NAALAD2: variants seen among roughly 807,000 people sequenced by gnomAD.
The protein encoded by NAALAD2 is N-acetylated alpha-linked acidic dipeptidase 2.
A neutral mutation model predicts 95.6 loss-of-function variants in NAALAD2; 89 were observed. The observed-to-expected ratio is 0.93, with a 90% CI of 0.78 to 1.11. NAALAD2 has a LOEUF of 1.11. NAALAD2 is among the 50% of genes least tolerant of loss of function. NAALAD2 has a pLI of 0.00. For synonymous variants in NAALAD2, 264 were observed against 294.4 expected, an observed-to-expected ratio of 0.90 and a Z score of 1.06; for missense variants, 894 against 872.4, an observed-to-expected ratio of 1.02 and a Z score of -0.31.
chr11:90,139,938 T>C (rs2134827586), intron 2 of NAALAD2, among the ~76,000 whole-genome samples: 1 of 152,092 alleles, frequency 6.6e-6, no homozygotes, highest in African/African-American at 2.4e-5. Flanking sequence ...TACCTCAGTC[T>C]ACGGTATACC....
intron 18 of NAALAD2, among the ~76,000 whole-genome samples, chr11:90,190,234 C>T (rs1857283336): frequency 6.6e-6 from 1 of 152,164 alleles, no homozygotes; most frequent in East Asian, 1.9e-4. Flanking sequence ...TTATCACCAT[C>T]ATTTTTAAGA....
chr11:90,166,873 G>C (rs1024914756), intron 11 of NAALAD2, among the ~76,000 whole-genome samples: 1 of 151,296 alleles, frequency 6.6e-6, no homozygotes, highest in African/African-American at 2.4e-5. Context: ...ATTTCCACCC[G>C]GCACGGTGGC....
At chr11:90,163,801 T>C (rs183614343) in intron 11 of NAALAD2, 184 bp downstream of exon 11, 1 of 627,144 alleles carries the variant, frequency 1.6e-6, no homozygotes, top group East Asian at 2.8e-5. Context: ...AACCTTTTAG[T>C]ACTAGACTGC....
chr11:90,147,661 G>A, intron 3 of NAALAD2, 145 bp downstream of exon 3: 1 of 741,896 alleles, frequency 1.3e-6, no homozygotes, highest in Non-Finnish European at 2.1e-6. Flanking sequence ...TAAGTCCTGA[G>A]GCCAGAATAA....
At chr11:90,179,445 G>A (rs1952898668) in intron 16 of NAALAD2, among the ~76,000 whole-genome samples, 1 of 151,894 alleles carries the variant, frequency 6.6e-6, no homozygotes, top group Non-Finnish European at 1.5e-5. Context: ...GTATGGAATA[G>A]TAATGACTTC....
intron 14 of NAALAD2, among the ~76,000 whole-genome samples, chr11:90,174,405 C>G (rs1952728210): frequency 6.6e-6 from 1 of 151,654 alleles, no homozygotes. Context: ...GTCTTTCAGT[C>G]TATGTTAGAG....
intron 13 of NAALAD2, among the ~76,000 whole-genome samples, chr11:90,172,839 G>T (rs1290189260): frequency 6.6e-6 from 1 of 152,068 alleles, no homozygotes; most frequent in African/African-American, 2.4e-5. Context: ...AAAGGCCAGA[G>T]AAAATACCAG....
upstream of NAALAD2, among the ~76,000 whole-genome samples, chr11:90,133,510 G>T (rs1431328743): frequency 6.6e-6 from 1 of 151,958 alleles, no homozygotes; most frequent in East Asian, 1.9e-4. Flanking sequence ...AAAAAAAAAG[G>T]CTTACAAATT....
intron 2 of NAALAD2, among the ~76,000 whole-genome samples, chr11:90,139,682 CTT>C (rs1393262861): frequency 1.3e-5 from 2 of 152,216 alleles, no homozygotes; most frequent in African/African-American, 4.8e-5. Flanking sequence ...CATAGAATGA[CTT>C]TGCTTTTTCT....
intron 2 of NAALAD2, among the ~76,000 whole-genome samples, chr11:90,145,795 A>G (rs1228645962): frequency 6.6e-6 from 1 of 152,188 alleles, no homozygotes; most frequent in Non-Finnish European, 1.5e-5. Context: ...AAAAGGTATT[A>G]AAGATCATAA....
At chr11:90,166,836 A>AG (rs1436561363) in intron 11 of NAALAD2, among the ~76,000 whole-genome samples, 1 of 110,746 alleles carries the variant, frequency 9.0e-6, no homozygotes, top group Non-Finnish European at 1.8e-5. Context: ...TTCTGTCTCC[A>AG]AAAAAAAAAA....
chr11:90,179,776 C>T (rs570711233), intron 16 of NAALAD2, among the ~76,000 whole-genome samples: 35 of 122,882 alleles, frequency 2.8e-4, no homozygotes, highest in African/African-American at 1.1e-3. Context: ...AGACAGAAAC[C>T]ACACAGTTAG....
At chr11:90,156,832 T>A (rs1952131329) in intron 6 of NAALAD2, among the ~76,000 whole-genome samples, 1 of 152,214 alleles carries the variant, frequency 6.6e-6, no homozygotes, top group Non-Finnish European at 1.5e-5. Context: ...TGGTTCCAAA[T>A]ACTTTCTGAT....
intron 6 of NAALAD2, 32 bp from the exon 7 acceptor site, chr11:90,158,112 AT>A (rs529176610): frequency 2.2e-4 from 324 of 1,455,276 alleles, no homozygotes; most frequent in Non-Finnish European, 3.0e-4. Context: ...AGATTTTTAA[AT>A]TGTTTTCATT....
chr11:90,168,210 G>C (rs1163773548), intron 11 of NAALAD2, among the ~76,000 whole-genome samples: 1 of 152,142 alleles, frequency 6.6e-6, no homozygotes, highest in Non-Finnish European at 1.5e-5. Flanking sequence ...GAGCCAGCGA[G>C]ACCACAAACC....
In NAALAD2 at chr11:90,150,480, A is replaced by G; in HGVS notation, c.484-2A>G. ...ATTATATATATTTTCTTTTCCCTAT[A>G]GGGAGATCTTGTATATGTGAACTAT... is the stretch of plus-strand genomic sequence containing the variant. On this transcript the variant is annotated splice_acceptor_variant, in intron 4 of 18. Transcript: ENST00000534061. LOFTEE classifies it high-confidence loss of function. The G allele has an allele frequency of 6.3e-7, 1 of 1,590,898 alleles. No individual in the cohort carries two copies. Among genetic ancestry groups the G allele is most frequent in the Admixed American group, 1.7e-5 (1 of 58,248 alleles).
intron 8 of NAALAD2, among the ~76,000 whole-genome samples, chr11:90,160,168 T>G (rs920710386): frequency 6.6e-6 from 1 of 152,152 alleles, no homozygotes; most frequent in African/African-American, 2.4e-5. Flanking sequence ...AGAAGAGATG[T>G]GATCACAAAT....
chr11:90,148,109 G>C (rs1320304205), intron 3 of NAALAD2, among the ~76,000 whole-genome samples: 2 of 152,102 alleles, frequency 1.3e-5, no homozygotes, highest in African/African-American at 4.8e-5. Context: ...TTCAGTTCAC[G>C]GGAGCCAATG....
intron 12 of NAALAD2, chr11:90,169,679 CTAA>C (rs375260438): frequency 8.4e-4 from 146 of 174,838 alleles, no homozygotes; most frequent in African/African-American, 3.4e-3. Context: ...ATGTTAGAAC[CTAA>C]TAATTACTGA....
Sources: gnomAD v4.1 joint callset for allele counts (sites outside exome capture counted in the v4.1 genomes callset) on GRCh38, gnomAD v4.1.1 for gene constraint, MANE v1.5 for transcripts, NCBI Gene and HGNC (gene_info 2026-07-23, HGNC 2026-07-21) for gene names.